Variants in WDR88 observed in about 807,000 individuals in gnomAD.
WDR88 encodes WD repeat domain 88.
In WDR88, 40 loss-of-function variants were observed where a neutral mutation model predicts 46.8. That is an observed-to-expected ratio of 0.86 (90% CI 0.66 to 1.11). The LOEUF (loss-of-function observed/expected upper bound fraction) is 1.11. WDR88 is among the 50% of genes most tolerant of loss of function. WDR88 has a pLI of 0.00. For missense variants in WDR88, 562 were observed against 602.4 expected (o/e 0.93, Z 0.70); for synonymous variants, 235 against 240.7 (o/e 0.98, Z 0.22).
At chr19:33,165,889 G>A (rs1329576828) in intron 9 of WDR88, among the ~76,000 whole-genome samples, 1 of 127,348 alleles carries the variant, frequency 7.9e-6, no homozygotes, top group Non-Finnish European at 1.6e-5. Flanking sequence ...TGACAAGAGC[G>A]AAACTCTGTC....
intron 7 of WDR88, among the ~76,000 whole-genome samples, chr19:33,158,389 AC>A (rs1322920954): frequency 6.6e-6 from 1 of 151,958 alleles, no homozygotes; most frequent in African/African-American, 2.4e-5. Context: ...CTGCGCTCCT[AC>A]ACTCTAGCCT....
At chr19:33,171,016 C>T (rs1974030030) in intron 9 of WDR88, among the ~76,000 whole-genome samples, 1 of 152,048 alleles carries the variant, frequency 6.6e-6, no homozygotes, top group Admixed American at 6.6e-5. Context: ...GACAGAGTCT[C>T]GCTCTGTCAC....
intron 2 of WDR88, among the ~76,000 whole-genome samples, chr19:33,138,038 AT>A (rs745407325): frequency 4.0e-3 from 559 of 139,590 alleles, no homozygotes; most frequent in Middle Eastern, 3.9e-3. Context: ...AGTGCCACAC[AT>A]TTTTTTTTTT....
chr19:33,157,271 C>T (rs1362468242), intron 7 of WDR88, among the ~76,000 whole-genome samples: 5 of 150,164 alleles, frequency 3.3e-5, no homozygotes, highest in African/African-American at 9.8e-5. Flanking sequence ...CTGAGGTGGG[C>T]GGATCACCTG....
intron 2 of WDR88, 58 bp downstream of exon 2, chr19:33,137,845 C>G: frequency 6.8e-7 from 1 of 1,468,466 alleles, no homozygotes; most frequent in African/African-American, 1.4e-5. Context: ...GCTTAGGCAC[C>G]TCCTGTGTCG....
At chr19:33,147,039 G>T (rs567130278) in intron 3 of WDR88, among the ~76,000 whole-genome samples, 1 of 150,238 alleles carries the variant, frequency 6.7e-6, no homozygotes, top group South Asian at 2.1e-4. Flanking sequence ...GGAGAGACCA[G>T]CCTGGGCTCT....
intron 5 of WDR88, among the ~76,000 whole-genome samples, chr19:33,150,953 T>C (rs1040238433): frequency 1.3e-5 from 2 of 152,168 alleles, no homozygotes; most frequent in African/African-American, 4.8e-5. Flanking sequence ...TGGTCCGGGG[T>C]GTCTCCTCCA....
At chr19:33,173,167 C>T (rs1185309656) in intron 10 of WDR88, among the ~76,000 whole-genome samples, 9 of 149,134 alleles carry the variant, frequency 6.0e-5, no homozygotes, top group African/African-American at 2.2e-4. Flanking sequence ...GCAGAGAGAG[C>T]CTGAGAGGCA....
In WDR88 at chr19:33,147,726, G is replaced by C; in HGVS notation, c.540+18G>C. The C allele has an allele frequency of 1.2e-6, 2 of 1,613,128 alleles. No homozygotes were observed. The highest frequency in any genetic ancestry group is 1.7e-6 in the Non-Finnish European group (2 of 1,179,480). On this transcript the variant is annotated intron_variant, in intron 4 of 10. Transcript: ENST00000355868. Reference sequence around the variant, plus strand: ...AGCTGCTGGTACGTATGCCTGTCCAGTGGGGGCGTTGGTTGCAGCCCAGGG... The same window carrying C: ...AGCTGCTGGTACGTATGCCTGTCCACTGGGGGCGTTGGTTGCAGCCCAGGG...
chr19:33,147,067 A>T (rs1477297002), intron 3 of WDR88, among the ~76,000 whole-genome samples: 3 of 150,674 alleles, frequency 2.0e-5, no homozygotes, highest in African/African-American at 7.3e-5. Context: ...AGGAAAAAAA[A>T]AAAAAGAGAG....
In WDR88 at chr19:33,172,342, T is replaced by TTTTAGGATAGGACCATGAGAC. The variant is rs745700839; in HGVS notation, c.1150-4_1166dup. ...TTTGTGACCGCTGGTTTGCTATTTG[T>TTTTAGGATAGGACCATGAGAC]TTTAGGATAGGACCATGAGACTGTG... On this transcript the variant is annotated splice_region_variant and splice_polypyrimidine_tract_variant and intron_variant, in intron 9 of 10. Coordinates refer to ENST00000355868, the MANE Select transcript of WDR88 (RefSeq NM_173479.4). The TTTTAGGATAGGACCATGAGAC allele has an allele frequency of 1.2e-6, 2 of 1,610,712 alleles. No homozygotes were observed. Among genetic ancestry groups the TTTTAGGATAGGACCATGAGAC allele is most frequent in the Non-Finnish European group, 1.7e-6 (2 of 1,178,366 alleles).
intron 9 of WDR88, among the ~76,000 whole-genome samples, chr19:33,165,749 C>T (rs1599914224): frequency 1.3e-5 from 2 of 151,496 alleles, no homozygotes; most frequent in Non-Finnish European, 2.9e-5. Context: ...AAAACTTAGC[C>T]GGGCGTGGTG....
chr19:33,138,464 C>T (rs142742973), intron 2 of WDR88, among the ~76,000 whole-genome samples: 2,142 of 152,276 alleles, frequency 0.014, 51 homozygotes, highest in African/African-American at 0.049. Context: ...TGTCCTGCCT[C>T]AGCCTCCTGA....
chr19:33,161,173 T>TAACAA (rs753319429), intron 8 of WDR88, among the ~76,000 whole-genome samples: 36 of 148,936 alleles, frequency 2.4e-4, no homozygotes, highest in East Asian at 2.0e-4. Flanking sequence ...ATTCTGTCTC[T>TAACAA]AACAAAACAA....
rs1973144755 is a variant in WDR88, at chr19:33,132,370, A to C, written c.201A>C (p.Pro67=). 1 of 1,614,034 alleles carries C rather than the reference A, an allele frequency of 6.2e-7. No individual in the cohort carries two copies. Among genetic ancestry groups the C allele is most frequent in the Non-Finnish European group, 8.5e-7 (1 of 1,180,004 alleles). ...TLDPLALDRE[P]PPHLLPEKHQ... ...ACCCCCTGGCCTTGGACAGGGAACC[A>C]CCACCGCATCTGTTGCCTGAGAAGC... is the stretch of plus-strand genomic sequence containing the variant. The change falls in exon 1 of 11, where the codon CCA becomes CCC. Residue 67 remains proline (P), a synonymous_variant. Transcript: ENST00000355868.
intron 2 of WDR88, among the ~76,000 whole-genome samples, chr19:33,143,456 T>C (rs1350891082): frequency 1.3e-5 from 2 of 148,616 alleles, no homozygotes; most frequent in Non-Finnish European, 3.0e-5. Context: ...CCAGCCTGGG[T>C]AATATAGTGA....
intron 8 of WDR88, among the ~76,000 whole-genome samples, chr19:33,162,983 A>G (rs1483673639): frequency 6.6e-6 from 1 of 152,044 alleles, no homozygotes; most frequent in Admixed American, 6.6e-5. Context: ...GGATCACTTG[A>G]GGTCAGGAGT....
intron 9 of WDR88, among the ~76,000 whole-genome samples, chr19:33,166,873 G>A (rs1380721013): frequency 6.6e-6 from 1 of 152,136 alleles, no homozygotes; most frequent in East Asian, 1.9e-4. Flanking sequence ...CCACAATCAT[G>A]CCACTACATT....
At chr19:33,172,268 CTT>C (rs1285592286) in intron 9 of WDR88, 78 bp from the exon 10 acceptor site, 1 of 1,246,700 alleles carries the variant, frequency 8.0e-7, no homozygotes, top group African/African-American at 1.5e-5. Flanking sequence ...CAGCCCATGT[CTT>C]TTGATTGTTG....
Sources: gnomAD v4.1 joint callset for allele counts (sites outside exome capture counted in the v4.1 genomes callset) on GRCh38, gnomAD v4.1.1 for gene constraint, MANE v1.5 for transcripts, NCBI Gene and HGNC (gene_info 2026-07-23, HGNC 2026-07-21) for gene names.